Variants in FEZ2 observed in about 807,000 individuals in gnomAD.
FEZ2 encodes the protein fasciculation and elongation protein zeta 2.
FEZ2 carries 51 observed loss-of-function variants against 40.4 expected under a neutral mutation model. That is an observed-to-expected ratio of 1.26 (90% CI 1.01 to 1.59). The LOEUF (loss-of-function observed/expected upper bound fraction) is 1.59, where lower values mean the gene tolerates loss of function less well. Among genes scored for constraint, FEZ2 ranks in the 40% most tolerant of loss-of-function variants. The probability of loss-of-function intolerance (pLI) is 0.00; values close to 1 mark genes in which losing one functional copy is unlikely to be tolerated. For synonymous variants in FEZ2, 242 were observed against 172.0 expected, an observed-to-expected ratio of 1.41 and a Z score of -3.18; for missense variants, 640 against 438.3, an observed-to-expected ratio of 1.46 and a Z score of -4.11.
At chr2:36,561,462 AG>A (rs1277857397) in intron 5 of FEZ2, 1 of 152,226 alleles carries the variant, frequency 6.6e-6, no homozygotes, top group African/African-American at 2.4e-5. Flanking sequence ...TGTGCCAGCC[AG>A]GCCCCCAAAA....
At chr2:36,566,570 A>G (rs1369033713) in intron 5 of FEZ2, among the ~76,000 whole-genome samples, 2 of 152,230 alleles carry the variant, frequency 1.3e-5, no homozygotes, top group East Asian at 3.8e-4. Flanking sequence ...TCTGACTGAT[A>G]GTCAGTGACT....
intron 5 of FEZ2, among the ~76,000 whole-genome samples, chr2:36,559,682 T>C (rs902252526): frequency 1.3e-5 from 2 of 152,214 alleles, no homozygotes; most frequent in Non-Finnish European, 2.9e-5. Context: ...TCCTCCTGGC[T>C]TCACTCTGCA....
chr2:36,558,473 G>A lies in FEZ2; in HGVS notation c.944C>T (p.Pro315Leu). Residue 315 changes from proline (P) to leucine (L), a missense_variant, in exon 6 of 8, where the codon CCA becomes CTA. Coordinates refer to ENST00000405912, the MANE Select transcript of FEZ2 (RefSeq NM_005102.3). ...TATTTGAAGATCTTCAACAGACGGT[G>A]GTCCGTTTTTTTTCTCATAAGGAAT... Reference protein sequence around the residue: ...TVIPYEKKNGPPSVEDLQILT... With the variant: ...TVIPYEKKNGLPSVEDLQILT... The A allele has an allele frequency of 6.6e-7, 1 of 1,524,334 alleles. No homozygotes were observed. The highest frequency in any genetic ancestry group is 1.3e-5 in the South Asian group (1 of 79,338). 94.4% of individuals were successfully genotyped at this position (1,524,334 alleles called of 1,614,324 possible). A position where few individuals can be genotyped will look rare whatever the true frequency, so the allele number is the denominator to read the frequency against.
At chr2:36,561,155 TTGTTCTA>T (rs1668082914) in intron 5 of FEZ2, among the ~76,000 whole-genome samples, 1 of 152,284 alleles carries the variant, frequency 6.6e-6, no homozygotes, top group Non-Finnish European at 1.5e-5. Context: ...GTACACATAT[TTGTTCTA>T]TACAAAATTT....
At chr2:36,564,401 CTCTT>C (rs945745646) in intron 5 of FEZ2, among the ~76,000 whole-genome samples, 14 of 152,144 alleles carry the variant, frequency 9.2e-5, no homozygotes, top group Admixed American at 5.2e-4. Context: ...CATTCATTTC[CTCTT>C]TCTTTCAAAA....
chr2:36,565,939 A>G (rs848608), intron 5 of FEZ2, among the ~76,000 whole-genome samples: 114,023 of 152,006 alleles, frequency 0.75, 43,151 homozygotes, highest in East Asian at 0.98. Context: ...CTCATGTCCC[A>G]TGGGGGGCAA....
In FEZ2 at chr2:36,590,910, T is replaced by C. The variant is rs760120166; in HGVS notation, c.368A>G (p.Glu123Gly). 1.1e-5 allele frequency: 17 copies of C among 1,587,680 alleles called. No individual in the cohort carries two copies. The highest frequency in any genetic ancestry group is 9.4e-5 in the African/African-American group (7 of 74,388). Residue 123 changes from glutamate (E) to glycine (G), a missense_variant, in exon 2 of 8, where the codon GAA becomes GGA. Coordinates refer to ENST00000405912, the MANE Select transcript of FEZ2 (RefSeq NM_005102.3). ...TLHLLTLNLS[E>G]KGVSDSLLFD... ...GTTCAATTCCTAACTTACCCCTTTT[T>C]CTGAGAGGTTCAGAGTAAGCAAGTG...
chr2:36,597,748 G>A (rs1573038985), intron 1 of FEZ2, 129 bp downstream of exon 1: 2 of 641,868 alleles, frequency 3.1e-6, no homozygotes, highest in East Asian at 3.5e-5. Flanking sequence ...GAGGAAGGAG[G>A]CGAGAGGGCG....
At position 36,578,641 on chromosome 2, in the gene FEZ2, T is replaced by C. The variant is rs377022375; in HGVS notation, c.859A>G (p.Ser287Gly). Residue 287 changes from serine (S) to glycine (G), a missense_variant, in exon 5 of 8, where the codon AGC (serine) becomes GGC (glycine). Physicochemically the swap from Ser to Gly is moderately conservative, Grantham distance 56. Transcript: ENST00000405912. ...AKKKKKLKNGSSQNGKNERSH... is the reference protein window; with the variant it reads ...AKKKKKLKNGGSQNGKNERSH... ...CTCTCATTCTTCCCATTCTGAGAGC[T>C]GCCATTTTTTAGTTTCTTTTTCTTT... The C allele has an allele frequency of 3.7e-6, 6 of 1,613,484 alleles. No homozygotes were observed. The highest frequency in any genetic ancestry group is 1.1e-5 in the South Asian group (1 of 90,980).
intron 2 of FEZ2, among the ~76,000 whole-genome samples, chr2:36,583,773 G>T (rs918985358): frequency 2.6e-5 from 4 of 152,168 alleles, no homozygotes; most frequent in Non-Finnish European, 5.9e-5. Flanking sequence ...GTGAATAGAA[G>T]GGAGAATATG....
In FEZ2 at chr2:36,583,450, AAGAGCAAACTGTCAC is replaced by A. The variant is rs758435137; in HGVS notation, c.380_394del (p.Ser127_Phe132delinsIle). On this transcript the variant is annotated inframe_deletion, in exon 3 of 8. Coordinates refer to ENST00000405912, the MANE Select transcript of FEZ2 (RefSeq NM_005102.3). The stretch of plus-strand genomic sequence containing the variant: ...CAGCTCTTCATCATCTGATGTATCA[AAGAGCAAACTGTCAC>A]TTACCTAAAAACAAAAATACCCATC... The A allele has an allele frequency of 1.9e-6, 3 of 1,587,948 alleles. No homozygotes were observed. In the South Asian group the frequency reaches 3.3e-5, roughly 18 times the overall value.
chr2:36,583,546 C>G lies in FEZ2; in HGVS notation c.376-77G>C, dbSNP rs1318490332. ...AGTTAACAGCTCTGAGTAAAAGAGGCTGCAGAGAAAAGCAACTACTAAGAG... is the reference window on the plus strand; with the variant it reads ...AGTTAACAGCTCTGAGTAAAAGAGGGTGCAGAGAAAAGCAACTACTAAGAG... On this transcript the variant is annotated intron_variant, in intron 2 of 7. Transcript: ENST00000405912. The G allele has an allele frequency of 1.1e-5, 9 of 783,570 alleles. No individual in the cohort carries two copies. The East Asian group carries it at 1.5e-4, about 13-fold the overall frequency. 48.5% of individuals were successfully genotyped at this position (783,570 alleles called of 1,614,324 possible). A position where few individuals can be genotyped will look rare whatever the true frequency, so the allele number is the denominator to read the frequency against.
rs137892666 is a variant in FEZ2 at position 36,596,052 on chromosome 2, T to C, written c.266+1825A>G. Among the ~76,000 whole-genome samples, 237 of 152,350 alleles carry C rather than the reference T, an allele frequency of 1.6e-3. 4 individuals carry two copies. The highest frequency in any genetic ancestry group is 4.0e-4 in the Non-Finnish European group (27 of 68,036). On this transcript the variant is annotated intron_variant, in intron 1 of 7. Coordinates refer to ENST00000405912, the MANE Select transcript of FEZ2 (RefSeq NM_005102.3). ...CCTGGGTTTAGTGATTCAGAGTATC[T>C]AAATCTACATATACATAAAATTATC...
rs1669278810 is a variant in FEZ2, at chr2:36,597,858, G to A, written c.266+19C>T. 2.3e-6 allele frequency: 3 copies of A among 1,333,208 alleles called. No individual in the cohort carries two copies. Among genetic ancestry groups the A allele is most frequent in the Non-Finnish European group, 1.9e-6 (2 of 1,044,532 alleles). 82.6% of individuals were successfully genotyped at this position (1,333,208 alleles called of 1,614,324 possible). Reference sequence around the variant, plus strand: ...TAGGGGAGGCTCCCGCCCACTCCCGGCCGGGGCCCCGCACTCACTCGTCCC... The same window carrying A: ...TAGGGGAGGCTCCCGCCCACTCCCGACCGGGGCCCCGCACTCACTCGTCCC... On this transcript the variant is annotated intron_variant, in intron 1 of 7. Transcript: ENST00000405912.
chr2:36,583,313 G>T (rs772155500), intron 3 of FEZ2, 40 bp downstream of exon 3: 3 of 1,011,000 alleles, frequency 3.0e-6, no homozygotes, highest in Non-Finnish European at 4.6e-6. Context: ...TTCAGCTCTA[G>T]AGTCTCCTTT....
intron 4 of FEZ2, among the ~76,000 whole-genome samples, chr2:36,580,493 C>G (rs1175522330): frequency 6.6e-6 from 1 of 152,210 alleles, no homozygotes; most frequent in Non-Finnish European, 1.5e-5. Flanking sequence ...CAGCCTCAGG[C>G]TGTTCACAGG....
chr2:36,561,722 G>T (rs188604562), intron 5 of FEZ2, among the ~76,000 whole-genome samples: 3 of 151,952 alleles, frequency 2.0e-5, no homozygotes, highest in East Asian at 3.8e-4. Flanking sequence ...AAGGGGAAAG[G>T]CTTCGTGAAA....
chr2:36,561,818 T>C (rs1668100251), intron 5 of FEZ2, among the ~76,000 whole-genome samples: 1 of 152,042 alleles, frequency 6.6e-6, no homozygotes, highest in African/African-American at 2.4e-5. Context: ...ATTTGAGGAG[T>C]CAACATAAAG....
intron 6 of FEZ2, chr2:36,556,787 C>T (rs1463397294): frequency 6.6e-6 from 1 of 152,236 alleles, no homozygotes; most frequent in African/African-American, 2.4e-5. Context: ...ACTAACACTA[C>T]TCAAATTATT....
Sources: gnomAD v4.1 joint callset for allele counts (sites outside exome capture counted in the v4.1 genomes callset) on GRCh38, gnomAD v4.1.1 for gene constraint, MANE v1.5 for transcripts, NCBI Gene and HGNC (gene_info 2026-07-23, HGNC 2026-07-21) for gene names.